The following MYRIP variants were observed in gnomAD, a reference collection of about 807,000 sequenced individuals.
MYRIP encodes myosin VIIA and Rab interacting protein, also known as rab effector MyRIP.
In MYRIP, 49 loss-of-function variants were observed where a neutral mutation model predicts 98.0. The observed-to-expected ratio is 0.50, with a 90% CI of 0.40 to 0.63. MYRIP has a LOEUF of 0.63. Ranked by LOEUF, MYRIP falls within the 30% of genes least tolerant of loss-of-function variation. MYRIP has a pLI of 0.00. For synonymous variants in MYRIP, 404 were observed against 409.5 expected, an observed-to-expected ratio of 0.99 and a Z score of 0.16; for missense variants, 1,004 against 1,058.2, an observed-to-expected ratio of 0.95 and a Z score of 0.71.
chr3:40,075,426 C>G (rs1473291444), intron 3 of MYRIP, among the ~76,000 whole-genome samples: 2 of 152,164 alleles, frequency 1.3e-5, no homozygotes, highest in Non-Finnish European at 2.9e-5. Context: ...TCCACCTGTC[C>G]TGATGGGAGA....
intron 2 of MYRIP, among the ~76,000 whole-genome samples, chr3:39,998,507 C>T (rs951781659): frequency 2.6e-5 from 4 of 152,258 alleles, no homozygotes; most frequent in Admixed American, 2.6e-4. Flanking sequence ...AACTACAAAC[C>T]ACTGCTCAAT....
At chr3:39,993,359 C>T (rs749735478) in intron 2 of MYRIP, among the ~76,000 whole-genome samples, 3 of 152,136 alleles carry the variant, frequency 2.0e-5, no homozygotes, top group Non-Finnish European at 2.9e-5. Flanking sequence ...ATATATCAAA[C>T]CATAGCAATT....
chr3:40,182,735 G>A (rs1394494908), intron 9 of MYRIP, among the ~76,000 whole-genome samples: 1 of 152,174 alleles, frequency 6.6e-6, no homozygotes, highest in Non-Finnish European at 1.5e-5. Context: ...AGGAGAATGT[G>A]TCTTATGTGG....
At chr3:39,946,942 G>T (rs565975029) in intron 2 of MYRIP, among the ~76,000 whole-genome samples, 68 of 152,234 alleles carry the variant, frequency 4.5e-4, no homozygotes, top group Admixed American at 9.8e-4. Flanking sequence ...TGCTATTAAT[G>T]CCAAAAAAAG....
chr3:39,958,316 G>T (rs1945222529), intron 2 of MYRIP, among the ~76,000 whole-genome samples: 1 of 152,112 alleles, frequency 6.6e-6, no homozygotes, highest in Admixed American at 6.6e-5. Flanking sequence ...GCATGGTACT[G>T]GTACCAAAAC....
chr3:40,156,896 T>A (rs1950255291), intron 4 of MYRIP, among the ~76,000 whole-genome samples: 1 of 151,556 alleles, frequency 6.6e-6, no homozygotes, highest in Admixed American at 6.6e-5. Flanking sequence ...GATTTTGGGC[T>A]GAGACAATGG....
chr3:39,988,117 A>C (rs1946078524), intron 2 of MYRIP, among the ~76,000 whole-genome samples: 1 of 152,144 alleles, frequency 6.6e-6, no homozygotes, highest in Non-Finnish European at 1.5e-5. Context: ...CAATGAGAAC[A>C]CATGGACACA....
chr3:40,129,342 G>A (rs568830684), intron 3 of MYRIP, among the ~76,000 whole-genome samples: 1 of 148,840 alleles, frequency 6.7e-6, no homozygotes, highest in African/African-American at 2.5e-5. Flanking sequence ...TCAGGAGGCT[G>A]AGGCAGGAGA....
intron 3 of MYRIP, among the ~76,000 whole-genome samples, chr3:40,117,636 A>C (rs1949312169): frequency 6.6e-6 from 1 of 152,214 alleles, no homozygotes; most frequent in Admixed American, 6.5e-5. Context: ...GTTCTGACGT[A>C]GTCCATCAGT....
chr3:39,919,580 G>A (rs1944252670), intron 2 of MYRIP, among the ~76,000 whole-genome samples: 1 of 152,116 alleles, frequency 6.6e-6, no homozygotes, highest in Non-Finnish European at 1.5e-5. Context: ...AATTGTGTGG[G>A]TCTGGAATCA....
chr3:39,890,820 G>A (rs2125659015), intron 1 of MYRIP, among the ~76,000 whole-genome samples: 1 of 152,000 alleles, frequency 6.6e-6, no homozygotes, highest in Non-Finnish European at 1.5e-5. Context: ...TTTCTTTTTG[G>A]GAAACAAACA....
At chr3:40,009,701 A>G (rs771631308) in intron 2 of MYRIP, among the ~76,000 whole-genome samples, 2 of 152,176 alleles carry the variant, frequency 1.3e-5, no homozygotes, top group Non-Finnish European at 2.9e-5. Context: ...TATGTGTTAG[A>G]TAGAGGCTTC....
At chr3:39,838,332 A>G (rs1244950706) in intron 1 of MYRIP, among the ~76,000 whole-genome samples, 1 of 152,140 alleles carries the variant, frequency 6.6e-6, no homozygotes. Flanking sequence ...TTAGTATGAT[A>G]TTAGCTGTGG....
chr3:40,073,421 A>C (rs1948271802), intron 3 of MYRIP, among the ~76,000 whole-genome samples: 1 of 152,194 alleles, frequency 6.6e-6, no homozygotes, highest in African/African-American at 2.4e-5. Context: ...GACTTTGCTT[A>C]TCTGGTTTCC....
intron 2 of MYRIP, among the ~76,000 whole-genome samples, chr3:40,031,808 T>G (rs1457720060): frequency 6.6e-6 from 1 of 152,190 alleles, no homozygotes; most frequent in Non-Finnish European, 1.5e-5. Context: ...GATGGTAGTT[T>G]GTATTTCTGT....
chr3:40,070,648 G>A (rs533446175), intron 3 of MYRIP, among the ~76,000 whole-genome samples: 48 of 152,126 alleles, frequency 3.2e-4, no homozygotes, highest in Non-Finnish European at 6.5e-4. Flanking sequence ...TTGTGTGTGC[G>A]AGGGATCTAG....
At chr3:40,067,218 T>C (rs1336278314) in intron 3 of MYRIP, among the ~76,000 whole-genome samples, 1 of 152,146 alleles carries the variant, frequency 6.6e-6, no homozygotes, top group Non-Finnish European at 1.5e-5. Flanking sequence ...ACATCTGCAA[T>C]TTAGAAATTA....
intron 2 of MYRIP, among the ~76,000 whole-genome samples, chr3:40,016,425 CCAATTTGGAGG>C (rs1252474887): frequency 6.6e-6 from 1 of 152,120 alleles, no homozygotes; most frequent in African/African-American, 2.4e-5. Context: ...AAGCCTTTTC[CCAATTTGGAGG>C]CAAGATCTCT....
chr3:39,976,835 A>G (rs4557095), intron 2 of MYRIP, among the ~76,000 whole-genome samples: 73,504 of 151,748 alleles, frequency 0.48, 18,950 homozygotes, highest in African/African-American at 0.69. Context: ...TCATAGGTAG[A>G]AATTGAACAA....
Sources: gnomAD v4.1 joint callset for allele counts (sites outside exome capture counted in the v4.1 genomes callset) on GRCh38, gnomAD v4.1.1 for gene constraint, MANE v1.5 for transcripts, NCBI Gene and HGNC (gene_info 2026-07-23, HGNC 2026-07-21) for gene names.